SVIL: variants seen among roughly 807,000 people sequenced by gnomAD.
The protein encoded by SVIL is archvillin.
Under a neutral mutation model 240.4 loss-of-function variants are expected in SVIL, and 101 were observed. The observed-to-expected ratio is 0.42, with a 90% CI of 0.36 to 0.50. The LOEUF is 0.50. Ranked by LOEUF, SVIL falls within the 20% of genes least tolerant of loss-of-function variation. The pLI, the probability that SVIL is intolerant of heterozygous loss-of-function variation, is 0.01. For synonymous variants in SVIL, 999 were observed against 1,100.0 expected (o/e 0.91, Z 1.82); for missense variants, 2,512 against 2,818.7 (o/e 0.89, Z 2.46).
chr10:29,563,234 T>C lies in SVIL; in HGVS notation c.-84A>G, dbSNP rs2132696233. ...AGTGCAACTAAAAGCTGAGCATCGA[T>C]TCCTCTTTCGTGGTTAGCGAGCTGT... On this transcript the variant is annotated 5_prime_UTR_variant, in exon 3 of 38. Transcript: ENST00000355867. 1.0e-6 allele frequency: 1 copy of C among 985,804 alleles called. No individual in the cohort carries two copies. The highest frequency in any genetic ancestry group is 1.2e-6 in the Non-Finnish European group (1 of 829,880). 61.1% of individuals were successfully genotyped at this position (985,804 alleles called of 1,614,324 possible).
At chr10:29,527,193 GA>G in intron 12 of SVIL, 137 bp from the exon 13 acceptor site, 2 of 838,006 alleles carry the variant, frequency 2.4e-6, no homozygotes, top group African/African-American at 1.7e-5. Context: ...TTTTTGGGGA[GA>G]AAAAATCACG....
chr10:29,516,911 A>G (rs1044263354), intron 16 of SVIL, among the ~76,000 whole-genome samples: 1 of 152,186 alleles, frequency 6.6e-6, no homozygotes, highest in Non-Finnish European at 1.5e-5. Flanking sequence ...CATGACAACC[A>G]TGTGCCCCTA....
intron 23 of SVIL, 134 bp from the exon 24 acceptor site, chr10:29,487,433 C>CA (rs1217414678): frequency 1.0e-6 from 1 of 997,008 alleles, no homozygotes; most frequent in Non-Finnish European, 1.4e-6. Flanking sequence ...GCCCATGGCC[C>CA]AGGGTGGCAG....
At chr10:29,721,220 C>A (rs1963956240) in intron 1 of SVIL, among the ~76,000 whole-genome samples, 1 of 149,244 alleles carries the variant, frequency 6.7e-6, no homozygotes, top group South Asian at 2.1e-4. Flanking sequence ...ACAAAGGAGA[C>A]AAATGGAATC....
At chr10:29,621,723 T>C (rs1225898138) in intron 1 of SVIL, among the ~76,000 whole-genome samples, 3 of 152,202 alleles carry the variant, frequency 2.0e-5, no homozygotes, top group African/African-American at 7.2e-5. Flanking sequence ...TTGATCCTAA[T>C]ACACCCTCTG....
At chr10:29,666,496 A>G (rs1030377573) in intron 2 of SVIL, among the ~76,000 whole-genome samples, 1 of 152,180 alleles carries the variant, frequency 6.6e-6, no homozygotes, top group African/African-American at 2.4e-5. Flanking sequence ...CTCTCCCTAG[A>G]TCTTGGGATA....
In SVIL at chr10:29,524,751, A is replaced by G. The variant is rs202032210; in HGVS notation, c.2343-36T>C. ...TAAAATGTCAGCAACACATATACCAACAAACAAAAGCACACCGCTAAGTTT... is the reference window on the plus strand; with the variant it reads ...TAAAATGTCAGCAACACATATACCAGCAAACAAAAGCACACCGCTAAGTTT... On this transcript the variant is annotated intron_variant, in intron 13 of 37. Coordinates refer to ENST00000355867, the MANE Select transcript of SVIL (RefSeq NM_021738.3). 175 of 1,606,380 alleles carry G rather than the reference A, an allele frequency of 1.1e-4. 1 individual carries two copies. Among genetic ancestry groups the G allele is most frequent in the Non-Finnish European group, 1.4e-4 (170 of 1,175,306 alleles).
At position 29,550,664 on chromosome 10, in the gene SVIL, G is replaced by A. The variant is rs1325865588; in HGVS notation, c.760C>T (p.Leu254=). The part of the protein sequence containing the change: ...RSPKHAHSSS[L]QQAASRSPSF... ...GGGCTCCGGGAGGCTGCCTGCTGCA[G>A]GGAGGAGCTGTGGGCGTGCTTGGGG... Residue 254 remains leucine, a synonymous_variant, in exon 6 of 38, where the codon CTG becomes TTG. Transcript: ENST00000355867. 2.5e-6 allele frequency: 4 copies of A among 1,614,010 alleles called. No individual in the cohort carries two copies. In the South Asian group the frequency reaches 4.4e-5, roughly 18 times the overall value.
chr10:29,672,149 C>A (rs1185858234), intron 2 of SVIL, among the ~76,000 whole-genome samples: 1 of 152,218 alleles, frequency 6.6e-6, no homozygotes, highest in Non-Finnish European at 1.5e-5. Flanking sequence ...GGCCACATCA[C>A]TGCCAATTTT....
At chr10:29,490,598 A>C (rs1463557142) in intron 22 of SVIL, among the ~76,000 whole-genome samples, 3 of 146,026 alleles carry the variant, frequency 2.1e-5, no homozygotes, top group Non-Finnish European at 3.1e-5. Context: ...AAAAAAAAAA[A>C]AAAAACCAAA....
chr10:29,558,669 G>A (rs1350501297), intron 3 of SVIL, among the ~76,000 whole-genome samples: 1 of 151,674 alleles, frequency 6.6e-6, no homozygotes, highest in Non-Finnish European at 1.5e-5. Context: ...GCTCCTGCCT[G>A]TAATCCCAGC....
intron 16 of SVIL, among the ~76,000 whole-genome samples, chr10:29,513,512 G>T (rs944087053): frequency 1.3e-5 from 2 of 152,072 alleles, no homozygotes; most frequent in Non-Finnish European, 2.9e-5. Context: ...CTCCAGCCTG[G>T]GTGACACAGT....
intron 5 of SVIL, among the ~76,000 whole-genome samples, chr10:29,552,562 CA>C (rs3031442): frequency 0.055 from 4,499 of 82,402 alleles, 177 homozygotes; most frequent in African/African-American, 0.16. Context: ...GACTCTGTCT[CA>C]AAAAAAAAAA....
chr10:29,729,511 T>G (rs562499194), intron 1 of SVIL, among the ~76,000 whole-genome samples: 2 of 147,748 alleles, frequency 1.4e-5, no homozygotes, highest in South Asian at 2.1e-4. Context: ...ATGTGGTGTG[T>G]GTAGCAAGAC....
chr10:29,555,849 C>G (rs1490495477), intron 3 of SVIL, among the ~76,000 whole-genome samples: 2 of 152,236 alleles, frequency 1.3e-5, no homozygotes, highest in African/African-American at 4.8e-5. Context: ...TCTCCTCCAC[C>G]CTGTCACGGA....
At chr10:29,708,396 G>A (rs1052873138) in intron 1 of SVIL, among the ~76,000 whole-genome samples, 3 of 151,946 alleles carry the variant, frequency 2.0e-5, no homozygotes, top group East Asian at 1.9e-4. Flanking sequence ...CGAGGTGGGC[G>A]GATCACCTGA....
At chr10:29,583,457 G>A (rs575815652) in intron 1 of SVIL, among the ~76,000 whole-genome samples, 7 of 152,040 alleles carry the variant, frequency 4.6e-5, no homozygotes, top group East Asian at 3.9e-4. Context: ...CCACCACCAC[G>A]CCTAGCTAAC....
At chr10:29,520,998 C>A (rs555682322) in intron 16 of SVIL, among the ~76,000 whole-genome samples, 2 of 150,764 alleles carry the variant, frequency 1.3e-5, no homozygotes, top group African/African-American at 4.9e-5. Context: ...CCGAGGCAGG[C>A]GGATCAGGAG....
chr10:29,486,150 T>C lies in SVIL; in HGVS notation c.4714A>G (p.Lys1572Glu). Residue 1572 changes from lysine to glutamate, a missense_variant, in exon 26 of 38, where the codon AAA becomes GAA. By Grantham distance (56) the Lys-to-Glu change is moderately conservative. This residue lies in a region of SVIL where 797 missense variants were observed against 925.3 expected (regional missense o/e 0.86). Transcript: ENST00000355867. ...CAGTAGTCGTCATCAGGAACAAGTT[T>C]GTCATCCATGAGACGGTAAATGCAG... is the stretch of plus-strand genomic sequence containing the variant. ...TNCIYRLMDD[K>E]LVPDDDYWGK... The C allele has an allele frequency of 6.2e-7, 1 of 1,614,218 alleles. No homozygotes were observed. Among genetic ancestry groups the C allele is most frequent in the Non-Finnish European group, 8.5e-7 (1 of 1,180,036 alleles).
Sources: gnomAD v4.1 joint callset for allele counts (sites outside exome capture counted in the v4.1 genomes callset) on GRCh38, gnomAD v4.1.1 for gene constraint, gnomAD v4.1.1 regional missense constraint, MANE v1.5 for transcripts, NCBI Gene and HGNC (gene_info 2026-07-23, HGNC 2026-07-21) for gene names.